The following MGAT5 variants were observed in gnomAD, a reference collection of about 807,000 sequenced individuals.
MGAT5 encodes the protein alpha-1,6-mannosylglycoprotein 6-beta-N-acetylglucosaminyltransferase A.
MGAT5 carries 30 observed loss-of-function variants against 94.3 expected under a neutral mutation model. The ratio of observed to expected loss-of-function variants is 0.32; its 90% CI spans 0.24 to 0.43. MGAT5 has a LOEUF of 0.43. Among genes scored for constraint, MGAT5 ranks in the 20% least tolerant of loss-of-function variants. The probability of loss-of-function intolerance (pLI) is 1.00; values close to 1 mark genes in which losing one functional copy is unlikely to be tolerated. For missense variants in MGAT5, 691 were observed against 905.5 expected (o/e 0.76, Z 3.04); for synonymous variants, 310 against 322.9 (o/e 0.96, Z 0.43).
intron 2 of MGAT5, among the ~76,000 whole-genome samples, chr2:134,315,059 A>G (rs935325168): frequency 2.0e-5 from 3 of 152,192 alleles, no homozygotes; most frequent in African/African-American, 7.2e-5. Context: ...CCTTAACTTT[A>G]TTCTTTGAAA....
In MGAT5 at chr2:134,338,348, G is replaced by A; in HGVS notation, c.735G>A (p.Met245Ile). The A allele has an allele frequency of 6.2e-7, 1 of 1,613,150 alleles. No individual in the cohort carries two copies. The highest frequency in any genetic ancestry group is 8.5e-7 in the Non-Finnish European group (1 of 1,179,480). The stretch of plus-strand genomic sequence containing the variant: ...GGATGAGACTACGGATCCGGCGAAT[G>A]GCTGACGCATGGATCCAAGCAATCA... ...FRWMRLRIRRMADAWIQAIKS... is the reference protein window; with the variant it reads ...FRWMRLRIRRIADAWIQAIKS... Residue 245 changes from methionine (M) to isoleucine (I), a missense_variant, in exon 6 of 16, where the codon ATG (methionine) becomes ATA (isoleucine). Transcript: ENST00000281923.
intron 1 of MGAT5, among the ~76,000 whole-genome samples, chr2:134,161,676 G>T (rs945494110): frequency 1.3e-5 from 2 of 152,112 alleles, no homozygotes; most frequent in Non-Finnish European, 1.5e-5. Context: ...CTTTTCATGG[G>T]GTTGTCATAT....
chr2:134,340,143 T>C (rs1353350596), intron 6 of MGAT5, among the ~76,000 whole-genome samples: 1 of 152,186 alleles, frequency 6.6e-6, no homozygotes. Flanking sequence ...TGTTTTATCT[T>C]TGAGGAAGAA....
chr2:134,196,121 T>C lies in MGAT5; in HGVS notation c.-142-58141T>C, dbSNP rs543129166. Among the ~76,000 whole-genome samples, 2 of 152,216 alleles carry C rather than the reference T, an allele frequency of 1.3e-5. 1 individual carries two copies. Among genetic ancestry groups the C allele is most frequent in the South Asian group, 4.1e-4 (2 of 4,826 alleles). The stretch of plus-strand genomic sequence containing the variant: ...CTCTGGACATGGTGCTCTTCGGAAG[T>C]TGAATTTGCTCATTGCCTCTGTTGT... On this transcript the variant is annotated intron_variant, in intron 1 of 16. Transcript: ENST00000409645.
intron 8 of MGAT5, among the ~76,000 whole-genome samples, chr2:134,347,642 A>G (rs1348109149): frequency 6.6e-6 from 1 of 152,236 alleles, no homozygotes; most frequent in East Asian, 1.9e-4. Context: ...ATTAGGCATT[A>G]TAAGTAATCT....
At chr2:134,226,823 A>G (rs2105375747) in intron 1 of MGAT5, among the ~76,000 whole-genome samples, 1 of 152,304 alleles carries the variant, frequency 6.6e-6, no homozygotes, top group South Asian at 2.1e-4. Flanking sequence ...ACATGACTAA[A>G]ACACCAGCAG....
At chr2:134,130,260 C>CCACACCGCCA in intron 1 of MGAT5, among the ~76,000 whole-genome samples, 1 of 150,868 alleles carries the variant, frequency 6.6e-6, no homozygotes, top group East Asian at 2.0e-4. Flanking sequence ...CCACACCGCC[C>CCACACCGCCA]CACACCGCCC....
intron 1 of MGAT5, among the ~76,000 whole-genome samples, chr2:134,261,394 G>C (rs11676854): frequency 0.21 from 32,298 of 152,030 alleles, 4,863 homozygotes; most frequent in African/African-American, 0.39. Context: ...ACCCTAAAAA[G>C]CTCCGCACCC....
At chr2:134,192,496 G>A (rs1196646402) in intron 1 of MGAT5, among the ~76,000 whole-genome samples, 1 of 152,064 alleles carries the variant, frequency 6.6e-6, no homozygotes, top group Non-Finnish European at 1.5e-5. Flanking sequence ...TAGTTTTGGG[G>A]ATGTAAATCA....
chr2:134,302,661 CATAAAT>C (rs1158695159), intron 2 of MGAT5, among the ~76,000 whole-genome samples: 1 of 150,748 alleles, frequency 6.6e-6, no homozygotes, highest in Non-Finnish European at 1.5e-5. Flanking sequence ...TTTTCAAAGA[CATAAAT>C]ATAGAATTCT....
chr2:134,413,358 G>A (rs1399266894), intron 12 of MGAT5, among the ~76,000 whole-genome samples: 3 of 152,232 alleles, frequency 2.0e-5, no homozygotes, highest in Non-Finnish European at 4.4e-5. Flanking sequence ...TGAAGAATCT[G>A]CTCCCCATGA....
intron 14 of MGAT5, among the ~76,000 whole-genome samples, chr2:134,435,099 C>T (rs771090965): frequency 1.3e-5 from 2 of 152,134 alleles, no homozygotes; most frequent in African/African-American, 2.4e-5. Flanking sequence ...CTGCTTTGCT[C>T]CTGCAGTCTG....
At chr2:134,199,634 T>A (rs756665233) in intron 1 of MGAT5, among the ~76,000 whole-genome samples, 13 of 152,190 alleles carry the variant, frequency 8.5e-5, no homozygotes, top group Non-Finnish European at 1.8e-4. Context: ...CAGCTCTCTG[T>A]CAGTATTCCA....
intron 12 of MGAT5, among the ~76,000 whole-genome samples, chr2:134,416,396 T>C (rs1351004010): frequency 6.6e-6 from 1 of 152,136 alleles, no homozygotes; most frequent in Non-Finnish European, 1.5e-5. Context: ...ATGTCTGTCC[T>C]TTTGTGTCTG....
chr2:134,449,155 A>G lies in MGAT5; in HGVS notation c.*308A>G. 1 of 369,348 alleles carries G rather than the reference A, an allele frequency of 2.7e-6. No individual in the cohort carries two copies. Among genetic ancestry groups the G allele is most frequent in the Non-Finnish European group, 5.1e-6 (1 of 197,140 alleles). The allele number at this position is 369,348 out of a possible 1,614,324, so 22.9% of individuals were successfully genotyped here. On this transcript the variant is annotated 3_prime_UTR_variant, in exon 16 of 16. Coordinates refer to ENST00000281923, the MANE Select transcript of MGAT5 (RefSeq NM_002410.5). ...CTGCTCCAGGGCAAAAGAAAGTCTC[A>G]AGAGTCCTTTAAAACAAAACAGGAG...
At chr2:134,416,631 C>T (rs551783734) in intron 12 of MGAT5, among the ~76,000 whole-genome samples, 82 of 152,088 alleles carry the variant, frequency 5.4e-4, no homozygotes, top group Admixed American at 9.8e-4. Context: ...GCCACGACAC[C>T]TCGCTACTCT....
chr2:134,336,928 A>G (rs1329717484), intron 5 of MGAT5, among the ~76,000 whole-genome samples: 3 of 152,206 alleles, frequency 2.0e-5, no homozygotes, highest in Non-Finnish European at 4.4e-5. Flanking sequence ...TAGACCATAG[A>G]TCACTAAACT....
In MGAT5 at chr2:134,209,141, ATTTTTTTTTTATTT is replaced by A. The variant is rs1357990309; in HGVS notation, c.-142-45110_-142-45097del. The stretch of plus-strand genomic sequence containing the variant: ...GAGGGATTGTATATAGAACTGGCTT[ATTTTTTTTTTATTT>A]TTTTTTTTTTTTTTATTTTTTTTTT... On this transcript the variant is annotated intron_variant, in intron 1 of 16. Transcript: ENST00000409645. 1.9e-3 allele frequency among the ~76,000 whole-genome samples: 30 copies of A among 16,080 alleles called. 6 individuals are homozygous for A. Among genetic ancestry groups the A allele is most frequent in the Middle Eastern group, 0.038 (1 of 26 alleles). The allele number at this position is 16,080 out of a possible 152,430, so 10.5% of individuals were successfully genotyped here.
chr2:134,317,638 C>T (rs763296983), intron 3 of MGAT5, 33 bp downstream of exon 3: 1 of 1,366,550 alleles, frequency 7.3e-7, no homozygotes, highest in Non-Finnish European at 9.9e-7. Context: ...CCCCAATCTG[C>T]ACAAACACCC....
Sources: gnomAD v4.1 joint callset for allele counts (sites outside exome capture counted in the v4.1 genomes callset) on GRCh38, gnomAD v4.1.1 for gene constraint, MANE v1.5 for transcripts, NCBI Gene and HGNC (gene_info 2026-07-23, HGNC 2026-07-21) for gene names.